Variants in PPP2R1B observed in about 807,000 individuals in gnomAD.
The protein encoded by PPP2R1B is protein phosphatase 2 scaffold subunit Abeta, also known as serine/threonine-protein phosphatase 2A 65 kDa regulatory subunit A beta isoform.
In PPP2R1B, 58 loss-of-function variants were observed where a neutral mutation model predicts 72.7. The observed-to-expected ratio is 0.80, with a 90% CI of 0.65 to 0.99. The LOEUF is 0.99. Among genes scored for constraint, PPP2R1B ranks in the 50% least tolerant of loss-of-function variants. The pLI, the probability that PPP2R1B is intolerant of heterozygous loss-of-function variation, is 0.00. For synonymous variants in PPP2R1B, 256 were observed against 264.6 expected (o/e 0.97, Z 0.32); for missense variants, 695 against 733.6 (o/e 0.95, Z 0.61).
the PPP2R1B span, chr11:111,720,839 G>A: frequency 6.3e-7 from 1 of 1,590,290 alleles, no homozygotes; most frequent in African/African-American, 1.3e-5. Flanking sequence ...GTGGTCACCT[G>A]TGGTCACTGA....
chr11:111,738,753 A>G lies in PPP2R1B; in HGVS notation c.*2843T>C, dbSNP rs934458332. 3.0e-6 allele frequency: 3 copies of G among 985,326 alleles called. No individual in the cohort carries two copies. The African/African-American group carries it at 5.2e-5, about 17-fold the overall frequency. 61.0% of individuals were successfully genotyped at this position (985,326 alleles called of 1,614,324 possible). A position where few individuals can be genotyped will look rare whatever the true frequency, so the allele number is the denominator to read the frequency against. ...ATCCTCAGGTTCACATCTTCTTGGTAGCACAGAGAGAGAAACAAGACCTGG... is the reference window on the plus strand; with the variant it reads ...ATCCTCAGGTTCACATCTTCTTGGTGGCACAGAGAGAGAAACAAGACCTGG... On this transcript the variant is annotated 3_prime_UTR_variant, in exon 15 of 15. Transcript: ENST00000527614.
the PPP2R1B span, among the ~76,000 whole-genome samples, chr11:111,709,786 C>T: frequency 2.6e-5 from 4 of 152,202 alleles, no homozygotes; most frequent in Non-Finnish European, 5.9e-5. Context: ...CAACAAAAAG[C>T]GTTATTCCTT....
At chr11:111,753,385 C>CA in intron 9 of PPP2R1B, 58 bp downstream of exon 9, 2 of 1,569,072 alleles carry the variant, frequency 1.3e-6, no homozygotes, top group Non-Finnish European at 1.7e-6. Context: ...AACCCTAAAC[C>CA]AAAATCAAAT....
chr11:111,731,883 G>C (rs1283419456), intron 15 of PPP2R1B, among the ~76,000 whole-genome samples: 2 of 152,198 alleles, frequency 1.3e-5, no homozygotes, highest in Non-Finnish European at 2.9e-5. Context: ...TTTCCCACCA[G>C]ATTTCTCCAT....
At chr11:111,724,234 C>CG, downstream of PPP2R1B, 1 of 1,432,974 alleles carries the variant, frequency 7.0e-7, no homozygotes, top group Non-Finnish European at 9.3e-7. Flanking sequence ...CTCTCCCTAA[C>CG]GGGGAGAAAT....
chr11:111,762,805 C>T (rs1945376082), intron 3 of PPP2R1B, among the ~76,000 whole-genome samples: 2 of 152,212 alleles, frequency 1.3e-5, no homozygotes, highest in African/African-American at 4.8e-5. Context: ...CCTCCCAAGG[C>T]AAGGATTACA....
rs1944490143 is a variant in PPP2R1B, at chr11:111,740,767, A to G, written c.*829T>C. On this transcript the variant is annotated 3_prime_UTR_variant, in exon 15 of 15. Transcript: ENST00000527614. Reference sequence around the variant, plus strand: ...AAGAACAGGAAATCTGCACAGTATTATCCCTGTGGTTCTTAGACTCATTCG... The same window carrying G: ...AAGAACAGGAAATCTGCACAGTATTGTCCCTGTGGTTCTTAGACTCATTCG... The G allele has an allele frequency of 1.0e-6, 1 of 985,362 alleles. No homozygotes were observed. 61.0% of individuals were successfully genotyped at this position (985,362 alleles called of 1,614,324 possible).
intron 1 of PPP2R1B, chr11:111,765,912 G>A: frequency 2.0e-6 from 1 of 509,182 alleles, no homozygotes; most frequent in East Asian, 5.3e-5. Context: ...CTGGCACCGC[G>A]CTTCTCCTGC....
chr11:111,705,231 AT>A, the PPP2R1B span: 1 of 1,307,728 alleles, frequency 7.6e-7, no homozygotes, highest in South Asian at 2.2e-5. This position sits in a 1 kb window ranked among gnomAD's most constrained non-coding sequence, Gnocchi z 4.3. Flanking sequence ...TTAGGATTTC[AT>A]CCTCTACACT....
chr11:111,729,817 C>G (rs1042530570), intron 15 of PPP2R1B: 1 of 152,272 alleles, frequency 6.6e-6, no homozygotes, highest in Non-Finnish European at 1.5e-5. Context: ...CTGAACCAGG[C>G]TGAGGGAGAC....
rs199843212 is a variant in PPP2R1B at position 111,759,798 on chromosome 11, G to A, written c.687+6C>T. 1 of 1,608,514 alleles carries A rather than the reference G, an allele frequency of 6.2e-7. No homozygotes were observed. The highest frequency in any genetic ancestry group is 2.2e-5 in the East Asian group (1 of 44,732). ...TGTGTCCCTTAAATACTAAGAGTTA[G>A]TTTACCTGTTCATCTGAAGCTAGAC... On this transcript the variant is annotated splice_donor_region_variant and intron_variant, in intron 5 of 14. Transcript: ENST00000527614.
In PPP2R1B at chr11:111,764,132, TTA is replaced by T. The variant is rs1223645810; in HGVS notation, c.306+671_306+672del. Among the ~76,000 whole-genome samples, 3 of 152,300 alleles carry T rather than the reference TTA, an allele frequency of 2.0e-5. No homozygotes were observed. The South Asian group carries it at 6.2e-4, about 32-fold the overall frequency. ...TATTACGTGGGTATTTTGTGGGTAC[TTA>T]TATCTTTCCATTTACGACTGCACGG... is the stretch of plus-strand genomic sequence containing the variant. On this transcript the variant is annotated intron_variant, in intron 3 of 14. Transcript: ENST00000527614.
At chr11:111,723,862 C>T (rs1267345891), downstream of PPP2R1B, 5 of 1,613,834 alleles carry the variant, frequency 3.1e-6, no homozygotes, top group South Asian at 5.5e-5. Flanking sequence ...CAGGAGCTGC[C>T]CCAGCCCCCT....
chr11:111,703,472 A>C, the PPP2R1B span: 11 of 1,545,640 alleles, frequency 7.1e-6, no homozygotes, highest in Non-Finnish European at 9.8e-6. Flanking sequence ...GCTACTTGAA[A>C]TTTCATGCTC....
Position 111,741,199 on chromosome 11 carries a change from C to T in PPP2R1B, c.*397G>A, listed in dbSNP as rs1420478634. 2.0e-6 allele frequency: 2 copies of T among 1,008,358 alleles called. No homozygotes were observed. Among genetic ancestry groups the T allele is most frequent in the Non-Finnish European group, 1.2e-6 (1 of 844,574 alleles). The allele number at this position is 1,008,358 out of a possible 1,614,324, so 62.5% of individuals were successfully genotyped here. ...TTAGCTTTGGAATGATGGAGAGACA[C>T]AGAGATATATGTAAACGTCAAGAGA... On this transcript the variant is annotated 3_prime_UTR_variant, in exon 15 of 15. Transcript: ENST00000527614.
At chr11:111,720,438 C>T in the PPP2R1B span, 2 of 1,546,168 alleles carry the variant, frequency 1.3e-6, no homozygotes, top group South Asian at 2.5e-5. Context: ...CAAGGAGATG[C>T]TATTGCTGTT....
At chr11:111,759,221 T>C (rs905036564) in intron 5 of PPP2R1B, among the ~76,000 whole-genome samples, 1 of 152,216 alleles carries the variant, frequency 6.6e-6, no homozygotes, top group African/African-American at 2.4e-5. Flanking sequence ...AAATGGGCTA[T>C]CTCATGGGGC....
chr11:111,688,364 G>T, the PPP2R1B span, among the ~76,000 whole-genome samples: 4 of 152,222 alleles, frequency 2.6e-5, no homozygotes, highest in African/African-American at 9.6e-5. The surrounding 1 kb of genome is among the most constrained non-coding windows in gnomAD (Gnocchi z 4.2). Flanking sequence ...ACACAGGTCA[G>T]AGCTACATCT....
At chr11:111,697,845 A>G in the PPP2R1B span, among the ~76,000 whole-genome samples, 1,113 of 152,214 alleles carry the variant, frequency 7.3e-3, 22 homozygotes, top group African/African-American at 0.025. Context: ...AAGGAAAAGA[A>G]AAAAGGAAAA....
Sources: gnomAD v4.1 joint callset for allele counts (sites outside exome capture counted in the v4.1 genomes callset) on GRCh38, gnomAD v4.1.1 for gene constraint, Gnocchi (gnomAD v3.1) non-coding constraint, MANE v1.5 for transcripts, NCBI Gene and HGNC (gene_info 2026-07-23, HGNC 2026-07-21) for gene names.